The following PRICKLE1 variants were observed in gnomAD, a reference collection of about 807,000 sequenced individuals.
PRICKLE1 encodes prickle planar cell polarity protein 1.
PRICKLE1 carries 14 observed loss-of-function variants against 70.2 expected under a neutral mutation model. That is an observed-to-expected ratio of 0.20 (90% CI 0.13 to 0.31). The LOEUF is 0.31. PRICKLE1 is among the 10% of genes least tolerant of loss of function. The pLI, the probability that PRICKLE1 is intolerant of heterozygous loss-of-function variation, is 1.00. For missense variants in PRICKLE1, 821 were observed against 1,026.2 expected, an observed-to-expected ratio of 0.80 and a Z score of 2.73; for synonymous variants, 357 against 379.9, an observed-to-expected ratio of 0.94 and a Z score of 0.70.
At chr12:42,587,653 C>A (rs1941005594) in intron 1 of PRICKLE1, among the ~76,000 whole-genome samples, 1 of 152,204 alleles carries the variant, frequency 6.6e-6, no homozygotes, top group Non-Finnish European at 1.5e-5. Flanking sequence ...CTGTATTTTG[C>A]TTTCTTCAGG....
intron 1 of PRICKLE1, among the ~76,000 whole-genome samples, chr12:42,527,916 A>ACC (rs1259916068): frequency 9.4e-4 from 19 of 20,170 alleles, no homozygotes; most frequent in African/African-American, 1.0e-3. Context: ...TACTCTTTAT[A>ACC]ATATATATAT....
chr12:42,495,715 A>G (rs1284532805), intron 1 of PRICKLE1, among the ~76,000 whole-genome samples: 1 of 151,876 alleles, frequency 6.6e-6, no homozygotes, highest in Non-Finnish European at 1.5e-5. Flanking sequence ...CAGCCTCCTG[A>G]GTAGCTGGGA....
In PRICKLE1 at chr12:42,472,344, C is replaced by T; in HGVS notation, c.132+41G>A. 3 of 1,612,584 alleles carry T rather than the reference C, an allele frequency of 1.9e-6. No individual in the cohort carries two copies. In the South Asian group the frequency reaches 3.3e-5, roughly 18 times the overall value. ...TAATGTTCTAAAGTCTGAACTCACA[C>T]TGAAAAACAAAGAGTAAATATAGGA... On this transcript the variant is annotated intron_variant, in intron 2 of 7. Transcript: ENST00000345127.
At chr12:42,547,408 A>G (rs1438544098) in intron 1 of PRICKLE1, among the ~76,000 whole-genome samples, 2 of 152,246 alleles carry the variant, frequency 1.3e-5, no homozygotes, top group African/African-American at 4.8e-5. Flanking sequence ...ATTATGTAAT[A>G]TAACAGATGT....
chr12:42,553,412 C>A (rs1280104464), intron 1 of PRICKLE1, among the ~76,000 whole-genome samples: 1 of 150,776 alleles, frequency 6.6e-6, no homozygotes, highest in Non-Finnish European at 1.5e-5. Context: ...CCACTGCACT[C>A]CAGCCTGGGC....
At chr12:42,577,690 G>T (rs1940826016) in intron 1 of PRICKLE1, among the ~76,000 whole-genome samples, 1 of 152,110 alleles carries the variant, frequency 6.6e-6, no homozygotes, top group African/African-American at 2.4e-5. Context: ...CACAGAGTGG[G>T]TACGAAGGCC....
chr12:42,480,851 C>T (rs988620555), intron 1 of PRICKLE1, among the ~76,000 whole-genome samples: 1 of 152,132 alleles, frequency 6.6e-6, no homozygotes, highest in Non-Finnish European at 1.5e-5. Flanking sequence ...AAACTGTGGG[C>T]TTATCACTAC....
At chr12:42,472,241 CA>C in intron 2 of PRICKLE1, 143 bp downstream of exon 2, 1 of 956,906 alleles carries the variant, frequency 1.0e-6, no homozygotes, top group Non-Finnish European at 1.6e-6. Flanking sequence ...AGTAAAACTT[CA>C]AAGCCATACA....
intron 1 of PRICKLE1, among the ~76,000 whole-genome samples, chr12:42,477,031 G>A (rs909136254): frequency 6.6e-6 from 1 of 152,130 alleles, no homozygotes; most frequent in African/African-American, 2.4e-5. Flanking sequence ...GGGTAAAGCA[G>A]TGGCAGCTAA....
chr12:42,565,437 T>C (rs746176563), intron 1 of PRICKLE1, among the ~76,000 whole-genome samples: 1 of 152,138 alleles, frequency 6.6e-6, no homozygotes, highest in Non-Finnish European at 1.5e-5. Flanking sequence ...AACTGTCCTA[T>C]CCCAATCCCC....
chr12:42,563,702 CAAAAAAAAAAA>C (rs11367725), intron 1 of PRICKLE1, among the ~76,000 whole-genome samples: 1 of 46,512 alleles, frequency 2.1e-5, no homozygotes, highest in Non-Finnish European at 4.0e-5. Flanking sequence ...GACTCTGTCT[CAAAAAAAAAAA>C]AAAAAAAAAA....
chr12:42,527,124 T>A (rs1566113833), intron 1 of PRICKLE1, among the ~76,000 whole-genome samples: 1 of 114,332 alleles, frequency 8.7e-6, no homozygotes, highest in Non-Finnish European at 1.7e-5. Context: ...TTTTTTTTTT[T>A]CCTCTTTTTT....
At chr12:42,538,547 C>T (rs1622435) in intron 1 of PRICKLE1, among the ~76,000 whole-genome samples, 151,001 of 152,330 alleles carry the variant, frequency 0.99, 74,857 homozygotes, top group Middle Eastern at 1. Flanking sequence ...GAACTGCTAC[C>T]GGTCAGAGGA....
chr12:42,527,252 C>G (rs1414686806), intron 1 of PRICKLE1, among the ~76,000 whole-genome samples: 4 of 150,562 alleles, frequency 2.7e-5, no homozygotes, highest in Middle Eastern at 3.5e-3. Flanking sequence ...CCTGTCTCAG[C>G]CTCCTGAGTA....
intron 1 of PRICKLE1, among the ~76,000 whole-genome samples, chr12:42,538,112 C>T (rs898825861): frequency 1.3e-5 from 2 of 152,160 alleles, no homozygotes; most frequent in South Asian, 2.1e-4. Flanking sequence ...CTCAGGAATT[C>T]GAGACCAACC....
chr12:42,477,531 T>C (rs1938616335), intron 1 of PRICKLE1, among the ~76,000 whole-genome samples: 1 of 95,786 alleles, frequency 1.0e-5, no homozygotes, highest in Non-Finnish European at 2.1e-5. Context: ...TATATATATA[T>C]ATGACCTCAC....
chr12:42,552,437 G>A (rs1400730156), intron 1 of PRICKLE1, among the ~76,000 whole-genome samples: 4 of 152,140 alleles, frequency 2.6e-5, no homozygotes, highest in South Asian at 2.1e-4. Flanking sequence ...TTAATAACAG[G>A]AAACTAAGTA....
chr12:42,512,956 T>TATA lies in PRICKLE1; in HGVS notation c.-48-40393_-48-40392insTAT, dbSNP rs1939541086. Among the ~76,000 whole-genome samples the TATA allele has an allele frequency of 2.0e-5, 3 of 151,302 alleles. No homozygotes were observed. In the South Asian group the frequency reaches 6.3e-4, roughly 32 times the overall value. Reference sequence around the variant, plus strand: ...AGCCCACTTTGCCCTAAGGCATTATTATTATTATTATTATTATTGTTATTT... The same window carrying TATA: ...AGCCCACTTTGCCCTAAGGCATTATTATAATTATTATTATTATTATTGTTATTT... On this transcript the variant is annotated intron_variant, in intron 1 of 7. Transcript: ENST00000345127.
Position 42,459,522 on chromosome 12 carries a change from T to C in PRICKLE1, c.*287A>G, listed in dbSNP as rs962774579. 6.4e-6 allele frequency: 4 copies of C among 627,108 alleles called. No homozygotes were observed. The highest frequency in any genetic ancestry group is 1.8e-5 in the African/African-American group (1 of 54,598). 38.8% of individuals were successfully genotyped at this position (627,108 alleles called of 1,614,324 possible). A position where few individuals can be genotyped will look rare whatever the true frequency, so the allele number is the denominator to read the frequency against. On this transcript the variant is annotated 3_prime_UTR_variant, in exon 8 of 8. Coordinates refer to ENST00000345127, the MANE Select transcript of PRICKLE1 (RefSeq NM_153026.3). ...AATCCCCTTCAGTCAGCATCTTCAG[T>C]ATTCCCTTGAGGACTGGAAAACCAA...
Sources: allele counts gnomAD v4.1 joint callset (sites outside exome capture counted in the v4.1 genomes callset), GRCh38; gene constraint gnomAD v4.1.1; transcripts MANE v1.5; gene names NCBI Gene and HGNC (gene_info 2026-07-23, HGNC 2026-07-21).